GTF2I: variants seen among roughly 807,000 people sequenced by gnomAD.
The protein encoded by GTF2I is general transcription factor IIi, also known as general transcription factor II-I.
In GTF2I, 12 loss-of-function variants were observed where a neutral mutation model predicts 67.6. The observed-to-expected ratio is 0.18, with a 90% CI of 0.11 to 0.29. The LOEUF is 0.29. GTF2I is among the 10% of genes least tolerant of loss of function. The pLI, the probability that GTF2I is intolerant of heterozygous loss-of-function variation, is 1.00. For synonymous variants in GTF2I, 149 were observed against 197.0 expected (o/e 0.76, Z 2.04); for missense variants, 271 against 580.1 (o/e 0.47, Z 5.47).
intron 1 of GTF2I, among the ~76,000 whole-genome samples, chr7:74,666,571 GCTCACTCC>G (rs1804999162): frequency 6.6e-6 from 1 of 151,924 alleles, no homozygotes; most frequent in South Asian, 2.1e-4. Context: ...GGGTGTGGTG[GCTCACTCC>G]TGTACTCCCA....
intron 8 of GTF2I, among the ~76,000 whole-genome samples, chr7:74,707,437 C>G (rs1790883467): frequency 6.6e-6 from 1 of 152,200 alleles, no homozygotes; most frequent in South Asian, 2.1e-4. Context: ...GGGCAGCCAC[C>G]TGCCCCGCTT....
intron 3 of GTF2I, among the ~76,000 whole-genome samples, chr7:74,691,875 C>G (rs986136867): frequency 6.6e-6 from 1 of 151,848 alleles, no homozygotes; most frequent in Non-Finnish European, 1.5e-5. Context: ...CTCCCATGTT[C>G]AAGCAATTCT....
rs1400734506 is a variant in GTF2I, at chr7:74,706,516, A to ATTGTT, written c.685+92_685+96dup. ...TAGAAGTTTATAGTTTGACTCAATT[A>ATTGTT]TTGTTTTGTTTTGATAAGAAAGAGG... On this transcript the variant is annotated intron_variant, in intron 8 of 34. Coordinates refer to ENST00000573035, the MANE Select transcript of GTF2I (RefSeq NM_032999.4). 3 of 1,059,372 alleles carry ATTGTT rather than the reference A, an allele frequency of 2.8e-6. No individual in the cohort carries two copies. The Admixed American group carries it at 5.4e-5, about 19-fold the overall frequency. 65.6% of individuals were successfully genotyped at this position (1,059,372 alleles called of 1,614,324 possible).
chr7:74,698,658 T>A (rs587766628), intron 3 of GTF2I, among the ~76,000 whole-genome samples: 1 of 152,094 alleles, frequency 6.6e-6, no homozygotes, highest in East Asian at 1.9e-4. Context: ...GCAATCCTCC[T>A]GCTTCAGCCT....
chr7:74,683,287 G>T (rs1296145536), intron 1 of GTF2I, among the ~76,000 whole-genome samples: 1 of 152,186 alleles, frequency 6.6e-6, no homozygotes, highest in African/African-American at 2.4e-5. Flanking sequence ...CCTAAAAAGA[G>T]ACCGTAGATT....
intron 16 of GTF2I, 29 bp from the exon 17 acceptor site, chr7:74,735,432 G>C (rs1554407388): frequency 9.7e-6 from 2 of 207,028 alleles, no homozygotes; most frequent in East Asian, 1.7e-4. Flanking sequence ...ATTAAATTGA[G>C]AACACTTGTA....
At chr7:74,691,354 G>A (rs1488043244) in intron 3 of GTF2I, among the ~76,000 whole-genome samples, 1 of 151,952 alleles carries the variant, frequency 6.6e-6, no homozygotes, top group Non-Finnish European at 1.5e-5. Context: ...TTACAGGCAC[G>A]CGCCAGCACG....
At chr7:74,713,485 CTG>C (rs1216220824) in intron 9 of GTF2I, among the ~76,000 whole-genome samples, 6 of 152,162 alleles carry the variant, frequency 3.9e-5, no homozygotes, top group African/African-American at 1.2e-4. Flanking sequence ...CTATAGAAAA[CTG>C]TGTACCCAAG....
At chr7:74,704,741 C>T (rs587655668) in intron 6 of GTF2I, among the ~76,000 whole-genome samples, 2 of 151,532 alleles carry the variant, frequency 1.3e-5, no homozygotes, top group South Asian at 4.2e-4. Context: ...GTAGTCCCAG[C>T]TACTCAGGAG....
chr7:74,684,824 C>A (rs587730121), intron 1 of GTF2I: 1 of 152,366 alleles, frequency 6.6e-6, no homozygotes, highest in South Asian at 2.1e-4. Context: ...CCATTTCTTA[C>A]ACACATTGAG....
intron 1 of GTF2I, among the ~76,000 whole-genome samples, chr7:74,683,259 GAGT>G (rs372391508): frequency 3.0e-4 from 45 of 152,290 alleles, no homozygotes; most frequent in African/African-American, 1.1e-3. Context: ...AAAACAGCAG[GAGT>G]AGGAATGGGA....
chr7:74,708,257 C>T (rs965358273), intron 8 of GTF2I, among the ~76,000 whole-genome samples: 1 of 152,140 alleles, frequency 6.6e-6, no homozygotes, highest in African/African-American at 2.4e-5. Flanking sequence ...GAGTCAAGAT[C>T]GTGCCATTGC....
At position 74,722,093 on chromosome 7, in the gene GTF2I, C is replaced by T. The variant is rs587762010; in HGVS notation, c.943+3152C>T. Among the ~76,000 whole-genome samples, 65 of 152,158 alleles carry T rather than the reference C, an allele frequency of 4.3e-4. No homozygotes were observed. In the South Asian group the frequency reaches 6.8e-3, roughly 16 times the overall value. On this transcript the variant is annotated intron_variant, in intron 12 of 34. Transcript: ENST00000573035. ...AACTTTGTTATCAAATAAGTCTGTC[C>T]GATTTTTCACAGTGTTTTCACCTCG...
At chr7:74,749,796 G>A (rs1795681623) in intron 26 of GTF2I, among the ~76,000 whole-genome samples, 1 of 138,312 alleles carries the variant, frequency 7.2e-6, no homozygotes, top group Non-Finnish European at 1.6e-5. Flanking sequence ...ACTGAGGCAG[G>A]AGAATCACTT....
At chr7:74,670,199 G>A (rs1343667146) in intron 1 of GTF2I, among the ~76,000 whole-genome samples, 1 of 152,140 alleles carries the variant, frequency 6.6e-6, no homozygotes, top group African/African-American at 2.4e-5. Context: ...ATTAAGAATT[G>A]ACATGCATTC....
At chr7:74,669,861 C>T (rs1025015478) in intron 1 of GTF2I, among the ~76,000 whole-genome samples, 6 of 152,202 alleles carry the variant, frequency 3.9e-5, no homozygotes, top group South Asian at 2.1e-4. Context: ...AATTTTAAAA[C>T]GATCTTTGAG....
chr7:74,722,790 T>C (rs1462289225), intron 12 of GTF2I: 2 of 152,202 alleles, frequency 1.3e-5, no homozygotes, highest in Non-Finnish European at 2.9e-5. Flanking sequence ...TTAGGATCTC[T>C]GTAATTGAGG....
chr7:74,660,606 TTTTTC>T (rs1333435203), intron 1 of GTF2I, among the ~76,000 whole-genome samples: 5 of 146,670 alleles, frequency 3.4e-5, no homozygotes, highest in African/African-American at 1.2e-4. Flanking sequence ...TTCCTTTTCC[TTTTTC>T]TTTTCTTTTC....
chr7:74,666,549 T>A (rs1584070387), intron 1 of GTF2I, among the ~76,000 whole-genome samples: 1 of 151,842 alleles, frequency 6.6e-6, no homozygotes, highest in East Asian at 1.9e-4. Flanking sequence ...TTAAAAAAAA[T>A]TTTTTTTGGC....
Sources: gnomAD v4.1 joint callset for allele counts (sites outside exome capture counted in the v4.1 genomes callset) on GRCh38, gnomAD v4.1.1 for gene constraint, MANE v1.5 for transcripts, NCBI Gene and HGNC (gene_info 2026-07-23, HGNC 2026-07-21) for gene names.